The following OCA2 variants were observed in gnomAD, a reference collection of about 807,000 sequenced individuals.
The protein encoded by OCA2 is P protein.
A neutral mutation model predicts 100.2 loss-of-function variants in OCA2; 77 were observed. The ratio of observed to expected loss-of-function variants is 0.77; its 90% CI spans 0.64 to 0.93. OCA2 has a LOEUF of 0.93. Among genes scored for constraint, OCA2 ranks in the 40% least tolerant of loss-of-function variants. The pLI is 0.00. For missense variants in OCA2, 1,062 were observed against 1,089.1 expected (o/e 0.98, Z 0.35); for synonymous variants, 432 against 439.2 (o/e 0.98, Z 0.21).
intron 23 of OCA2, among the ~76,000 whole-genome samples, chr15:27,798,679 G>GA (rs1056350746): frequency 1.7e-4 from 26 of 151,924 alleles, no homozygotes; most frequent in African/African-American, 6.0e-4. Context: ...CAAATACACA[G>GA]AAAACACCAG....
At position 27,845,034 on chromosome 15, in the gene OCA2, C is replaced by T. The variant is rs1555415902; in HGVS notation, c.2357G>A (p.Gly786Asp). 1 of 1,613,836 alleles carries T rather than the reference C, an allele frequency of 6.2e-7. No homozygotes were observed. Reference protein sequence around the residue: ...ACLGGNGTLIGASANVVCAGI... With the variant: ...ACLGGNGTLIDASANVVCAGI... ...TGCACACACGACGTTTGCCGACGCG[C>T]CAATCAGTGTCCCGTTACCTAAAGT... is the stretch of plus-strand genomic sequence containing the variant. Residue 786 changes from glycine to aspartate, a missense_variant, in exon 23 of 24, where the codon GGC becomes GAC. Transcript: ENST00000354638.
the OCA2 span, among the ~76,000 whole-genome samples, chr15:27,745,553 CA>C: frequency 6.6e-6 from 1 of 152,176 alleles, no homozygotes; most frequent in Non-Finnish European, 1.5e-5. Flanking sequence ...TCCTAGCCCT[CA>C]CCCAAGATGG....
intron 2 of OCA2, among the ~76,000 whole-genome samples, chr15:28,072,476 G>C (rs902882181): frequency 2.0e-5 from 3 of 151,646 alleles, no homozygotes; most frequent in African/African-American, 7.3e-5. Context: ...TGTAGTCCCA[G>C]CTACTCGGAA....
rs370477139 is a variant in OCA2, at chr15:27,995,734, G to A, written c.1045-5087C>T. 4.6e-5 allele frequency among the ~76,000 whole-genome samples: 7 copies of A among 151,260 alleles called. No individual in the cohort carries two copies. The East Asian group carries it at 5.8e-4, about 13-fold the overall frequency. ...GTAAATAATATCAAGTATATTTTCC[G>A]AACACAATGGTATAAAACTAGAAAT... On this transcript the variant is annotated intron_variant, in intron 9 of 23. Transcript: ENST00000354638.
At chr15:28,013,609 C>T (rs74005198) in intron 9 of OCA2, among the ~76,000 whole-genome samples, 3,064 of 152,244 alleles carry the variant, frequency 0.02, 117 homozygotes, top group African/African-American at 0.07. Flanking sequence ...GCAGAAACAC[C>T]GCATATGGCT....
chr15:28,056,874 G>A (rs1023540963), intron 2 of OCA2, among the ~76,000 whole-genome samples: 2 of 152,212 alleles, frequency 1.3e-5, no homozygotes, highest in Non-Finnish European at 2.9e-5. Flanking sequence ...GCCAGGCAAC[G>A]AGGACAGGGA....
chr15:27,796,543 C>T (rs552731706), intron 23 of OCA2, among the ~76,000 whole-genome samples: 1 of 152,300 alleles, frequency 6.6e-6, no homozygotes. Flanking sequence ...AGGGCAGGTG[C>T]TCAGTGTGTG....
intron 14 of OCA2, among the ~76,000 whole-genome samples, chr15:27,967,611 G>A (rs1378297344): frequency 6.6e-6 from 1 of 152,250 alleles, no homozygotes; most frequent in East Asian, 1.9e-4. Context: ...CGTGGCTGGA[G>A]AGCACAGCCC....
intron 23 of OCA2, among the ~76,000 whole-genome samples, chr15:27,786,916 A>G (rs1447486347): frequency 6.6e-6 from 1 of 152,130 alleles, no homozygotes; most frequent in Non-Finnish European, 1.5e-5. Flanking sequence ...TAGCTTCAGA[A>G]TCTTTTGTAG....
chr15:27,720,182 TC>T, the OCA2 span, among the ~76,000 whole-genome samples: 3 of 152,210 alleles, frequency 2.0e-5, no homozygotes, highest in Admixed American at 2.0e-4. Flanking sequence ...CATCGCATCC[TC>T]CTTTGTAATA....
At chr15:28,077,896 A>G (rs145652059) in intron 2 of OCA2, among the ~76,000 whole-genome samples, 2,847 of 152,272 alleles carry the variant, frequency 0.019, 94 homozygotes, top group African/African-American at 0.065. Flanking sequence ...CCTGGCCAAC[A>G]TGGTGAAACC....
At chr15:28,090,053 T>A (rs1465771848) in intron 1 of OCA2, among the ~76,000 whole-genome samples, 1 of 152,182 alleles carries the variant, frequency 6.6e-6, no homozygotes, top group East Asian at 1.9e-4. Context: ...GCGGTTATAT[T>A]CACGTAATAT....
chr15:28,007,057 A>G (rs1332998730), intron 9 of OCA2, among the ~76,000 whole-genome samples: 1 of 152,258 alleles, frequency 6.6e-6, no homozygotes, highest in African/African-American at 2.4e-5. Context: ...ACCCAGAGCA[A>G]TGAAACACGA....
At chr15:27,777,269 T>C (rs1448422409) in intron 23 of OCA2, among the ~76,000 whole-genome samples, 1 of 152,064 alleles carries the variant, frequency 6.6e-6, no homozygotes, top group Non-Finnish European at 1.5e-5. Flanking sequence ...CTTAACATTC[T>C]TAAAACAGGT....
chr15:27,973,313 CA>C (rs2040865623), intron 14 of OCA2, among the ~76,000 whole-genome samples: 1 of 152,132 alleles, frequency 6.6e-6, no homozygotes, highest in African/African-American at 2.4e-5. Context: ...TTTATGGTTT[CA>C]AGTCTTAGAT....
chr15:28,011,870 T>A (rs1197989413), intron 9 of OCA2, among the ~76,000 whole-genome samples: 1 of 150,308 alleles, frequency 6.7e-6, no homozygotes, highest in African/African-American at 2.5e-5. Context: ...TGAGCCGAGA[T>A]TGGACCATTG....
At chr15:28,077,641 C>G (rs954417226) in intron 2 of OCA2, among the ~76,000 whole-genome samples, 1 of 152,134 alleles carries the variant, frequency 6.6e-6, no homozygotes, top group African/African-American at 2.4e-5. Context: ...GTGGTTGGTT[C>G]CCTCTGTTAT....
chr15:27,970,860 G>T, intron 14 of OCA2, among the ~76,000 whole-genome samples: 1 of 149,332 alleles, frequency 6.7e-6, no homozygotes. Context: ...TGCACACATG[G>T]GATGGTGGGA....
At chr15:28,076,287 C>G (rs866493433) in intron 2 of OCA2, among the ~76,000 whole-genome samples, 2 of 152,154 alleles carry the variant, frequency 1.3e-5, no homozygotes, top group African/African-American at 4.8e-5. Context: ...TAATGAAATA[C>G]AGTAACCAAT....
Sources: allele counts gnomAD v4.1 joint callset (sites outside exome capture counted in the v4.1 genomes callset), GRCh38; gene constraint gnomAD v4.1.1; transcripts MANE v1.5; gene names NCBI Gene and HGNC (gene_info 2026-07-23, HGNC 2026-07-21).